Variants in SOX6 observed in about 807,000 individuals in gnomAD.
The protein encoded by SOX6 is SRY-box transcription factor 6.
SOX6 carries 11 observed loss-of-function variants against 97.8 expected under a neutral mutation model. The observed-to-expected ratio is 0.11, with a 90% CI of 0.07 to 0.19. The LOEUF is 0.19. Ranked by LOEUF, SOX6 falls within the 10% of genes least tolerant of loss-of-function variation. The pLI, the probability that SOX6 is intolerant of heterozygous loss-of-function variation, is 1.00. For missense variants in SOX6, 810 were observed against 1,039.5 expected (o/e 0.78, Z 3.04); for synonymous variants, 360 against 371.4 (o/e 0.97, Z 0.35).
chr11:16,543,613 A>C (rs773376924), intron 4 of SOX6, among the ~76,000 whole-genome samples: 1 of 152,152 alleles, frequency 6.6e-6, no homozygotes, highest in Non-Finnish European at 1.5e-5. Flanking sequence ...AAGACAAGCC[A>C]ATTTTTAAAT....
rs986356179 is a variant in SOX6, at chr11:16,457,092, T to C, written c.-5+19223A>G. ...GAAAACTAGGATTTCTGATACTCTG[T>C]TTTTCAATCTTTCATTCAATAGATA... On this transcript the variant is annotated intron_variant, in intron 1 of 15. Coordinates refer to the SOX6 transcript ENST00000396356. Among the ~76,000 whole-genome samples the C allele has an allele frequency of 2.0e-5, 3 of 152,242 alleles. No individual in the cohort carries two copies. In the South Asian group the frequency reaches 6.2e-4, roughly 32 times the overall value.
At chr11:16,492,415 C>A (rs191655424) in intron 4 of SOX6, among the ~76,000 whole-genome samples, 2 of 152,108 alleles carry the variant, frequency 1.3e-5, no homozygotes, top group South Asian at 4.1e-4. Flanking sequence ...CTGAAGCCCA[C>A]GGAAATATGT....
At chr11:16,250,344 T>C (rs538970473) in intron 3 of SOX6, among the ~76,000 whole-genome samples, 1 of 152,170 alleles carries the variant, frequency 6.6e-6, no homozygotes, top group East Asian at 1.9e-4. Flanking sequence ...TTTAACAGAA[T>C]GAAAATAGGA....
At chr11:16,617,665 C>T (rs114207729) in intron 3 of SOX6, among the ~76,000 whole-genome samples, 1,707 of 151,834 alleles carry the variant, frequency 0.011, 24 homozygotes, top group African/African-American at 0.039. Flanking sequence ...AAACAGTGAA[C>T]AGTAAGTTTC....
In SOX6 at chr11:16,329,166, G is replaced by A. The variant is rs564005562; in HGVS notation, c.238-10513C>T. On this transcript the variant is annotated intron_variant, in intron 2 of 15. Transcript: ENST00000683767. The stretch of plus-strand genomic sequence containing the variant: ...ATTTGTTACCAATATTTGCTAAAGT[G>A]TCATGATTCCTAAGGCTTTAAAAAT... Among the ~76,000 whole-genome samples, 4 of 152,150 alleles carry A rather than the reference G, an allele frequency of 2.6e-5. No individual in the cohort carries two copies. In the East Asian group the frequency reaches 7.7e-4, roughly 29 times the overall value.
At chr11:16,674,921 C>T (rs1444872017) in intron 3 of SOX6, among the ~76,000 whole-genome samples, 1 of 152,230 alleles carries the variant, frequency 6.6e-6, no homozygotes, top group East Asian at 1.9e-4. Flanking sequence ...CACACCACTG[C>T]ACTCCAGCCT....
At chr11:16,677,766 G>A (rs2134027867) in intron 3 of SOX6, among the ~76,000 whole-genome samples, 2 of 152,234 alleles carry the variant, frequency 1.3e-5, no homozygotes, top group African/African-American at 4.8e-5. Context: ...AAGAGTTTCT[G>A]TCTGATTAGT....
At chr11:16,524,066 C>T (rs1343292892) in intron 4 of SOX6, among the ~76,000 whole-genome samples, 1 of 152,188 alleles carries the variant, frequency 6.6e-6, no homozygotes, top group Non-Finnish European at 1.5e-5. Context: ...GGAACTGGTA[C>T]CATTCCTTCT....
chr11:16,401,789 A>G (rs1858566197), intron 1 of SOX6, among the ~76,000 whole-genome samples: 2 of 151,530 alleles, frequency 1.3e-5, no homozygotes, highest in South Asian at 2.1e-4. Context: ...ACAAGAAAAC[A>G]AAGACCAAGG....
At chr11:16,650,393 T>A (rs1179703344) in intron 3 of SOX6, among the ~76,000 whole-genome samples, 1 of 152,080 alleles carries the variant, frequency 6.6e-6, no homozygotes, top group Admixed American at 6.6e-5. Flanking sequence ...AAAGTCTCAG[T>A]AAATTTAAGA....
chr11:15,992,310 T>G (rs1321542012), intron 13 of SOX6, among the ~76,000 whole-genome samples: 2 of 152,210 alleles, frequency 1.3e-5, no homozygotes, highest in African/African-American at 4.8e-5. Flanking sequence ...CATTTGAAAC[T>G]ACTTTTAAAT....
In SOX6 at chr11:16,493,481, T is replaced by C. The variant is rs185089413; in HGVS notation, n.610-17093A>G. On this transcript the variant is annotated intron_variant and non_coding_transcript_variant, in intron 4 of 5. Transcript: ENST00000524520. ...GAAAGGTAATGATGTTTTTTCCCTT[T>C]GGAGGAGGAAGGGGAGTAGTGGTTG... Among the ~76,000 whole-genome samples, 291 of 152,230 alleles carry C rather than the reference T, an allele frequency of 1.9e-3. 1 individual carries two copies. Among genetic ancestry groups the C allele is most frequent in the African/African-American group, 6.5e-3 (268 of 41,550 alleles).
intron 6 of SOX6, among the ~76,000 whole-genome samples, chr11:16,172,034 C>T (rs1282875870): frequency 1.3e-5 from 2 of 151,686 alleles, no homozygotes; most frequent in East Asian, 3.9e-4. Context: ...TGAGAAGTCT[C>T]CCTTCACAGC....
rs771945065 is a variant in SOX6 at position 16,663,893 on chromosome 11, T to G, written n.429+50937A>C. Among the ~76,000 whole-genome samples the G allele has an allele frequency of 1.3e-5, 2 of 152,220 alleles. 1 individual carries two copies. Among genetic ancestry groups the G allele is most frequent in the Non-Finnish European group, 2.9e-5 (2 of 68,032 alleles). ...TTAACAAATTCTTACAAAATCATTT[T>G]AATATGCAGCACATTTATATTTCAA... is the stretch of plus-strand genomic sequence containing the variant. On this transcript the variant is annotated intron_variant and non_coding_transcript_variant, in intron 3 of 5. Transcript: ENST00000524520.
chr11:16,279,049 TG>T (rs1854480194), intron 3 of SOX6, among the ~76,000 whole-genome samples: 1 of 152,114 alleles, frequency 6.6e-6, no homozygotes, highest in Non-Finnish European at 1.5e-5. Flanking sequence ...TTAGAATTTC[TG>T]TCTACAACGA....
At chr11:16,247,420 C>T (rs1165371590) in intron 3 of SOX6, among the ~76,000 whole-genome samples, 1 of 152,006 alleles carries the variant, frequency 6.6e-6, no homozygotes, top group African/African-American at 2.4e-5. Flanking sequence ...TGTATTAGTC[C>T]ATTCTCATGC....
intron 10 of SOX6, among the ~76,000 whole-genome samples, chr11:16,053,062 G>C (rs1590162748): frequency 6.6e-6 from 1 of 152,044 alleles, no homozygotes; most frequent in Non-Finnish European, 1.5e-5. Flanking sequence ...GCTCCTCTCT[G>C]GTACCCTGTC....
intron 3 of SOX6, among the ~76,000 whole-genome samples, chr11:16,260,946 A>C (rs540676514): frequency 2.6e-5 from 4 of 152,260 alleles, no homozygotes. Context: ...GCTATCTGCT[A>C]TATTCCTTCT....
chr11:16,479,013 G>A (rs1482251395), upstream of SOX6, among the ~76,000 whole-genome samples: 1 of 151,994 alleles, frequency 6.6e-6, no homozygotes, highest in Non-Finnish European at 1.5e-5. Context: ...GTGACCATGG[G>A]TTAAAGATCA....
Sources: allele counts gnomAD v4.1 joint callset (sites outside exome capture counted in the v4.1 genomes callset), GRCh38; gene constraint gnomAD v4.1.1; transcripts MANE v1.5; gene names NCBI Gene and HGNC (gene_info 2026-07-23, HGNC 2026-07-21).